MS4A3: variants seen among roughly 807,000 people sequenced by gnomAD.
MS4A3 encodes the protein membrane-spanning 4-domains subfamily A member 3.
A neutral mutation model predicts 24.7 loss-of-function variants in MS4A3; 18 were observed. That is an observed-to-expected ratio of 0.73 (90% CI 0.50 to 1.08). MS4A3 has a LOEUF of 1.08. Among genes scored for constraint, MS4A3 ranks in the 50% least tolerant of loss-of-function variants. MS4A3 has a pLI of 0.00. For missense variants in MS4A3, 282 were observed against 251.7 expected, an observed-to-expected ratio of 1.12 and a Z score of -0.82; for synonymous variants, 84 against 95.3, an observed-to-expected ratio of 0.88 and a Z score of 0.69.
Position 60,061,270 on chromosome 11 carries a change from T to C in MS4A3, c.110T>C (p.Ile37Thr), listed in dbSNP as rs1382796711. 4 of 1,613,724 alleles carry C rather than the reference T, an allele frequency of 2.5e-6. No homozygotes were observed. Among genetic ancestry groups the C allele is most frequent in the Non-Finnish European group, 3.4e-6 (4 of 1,179,884 alleles). ...EELNTSVYQP[I>T]DGSPDYQKAK... Reference sequence around the variant, plus strand: ...CTGAATACTTCTGTCTACCAGCCCATAGATGGATCACCAGATTATCAGAAA... The same window carrying C: ...CTGAATACTTCTGTCTACCAGCCCACAGATGGATCACCAGATTATCAGAAA... Residue 37 changes from isoleucine to threonine, a missense_variant, in exon 2 of 7, where the codon ATA (isoleucine) becomes ACA (threonine). Transcript: ENST00000278865.
intron 1 of MS4A3, among the ~76,000 whole-genome samples, chr11:60,057,645 C>A (rs1855193730): frequency 6.6e-6 from 1 of 152,144 alleles, no homozygotes; most frequent in Non-Finnish European, 1.5e-5. Flanking sequence ...ACCTTGAGAT[C>A]CTCCCGCCTC....
intron 1 of MS4A3, 126 bp from the exon 2 acceptor site, chr11:60,061,020 G>C: frequency 1.4e-6 from 1 of 732,656 alleles, no homozygotes; most frequent in Non-Finnish European, 2.1e-6. Context: ...CTCTGCCCTG[G>C]TGTCCCATTT....
chr11:60,058,103 G>C (rs900165363), intron 1 of MS4A3, among the ~76,000 whole-genome samples: 9 of 152,154 alleles, frequency 5.9e-5, no homozygotes, highest in Admixed American at 2.0e-4. Context: ...TAAGTGGTAT[G>C]AGAAGGAAAG....
In MS4A3 at chr11:60,061,208, C is replaced by T. The variant is rs1269467423; in HGVS notation, c.48C>T (p.Ala16=). The T allele has an allele frequency of 6.2e-7, 1 of 1,613,130 alleles. No individual in the cohort carries two copies. Among genetic ancestry groups the T allele is most frequent in the Non-Finnish European group, 8.5e-7 (1 of 1,179,648 alleles). ...VDNAELGSAS[A]HGTPGSEAGP... is the part of the protein sequence containing the mutation. The stretch of plus-strand genomic sequence containing the variant: ...ATGCAGAGCTGGGGTCAGCCTCTGC[C>T]CATGGTACCCCAGGCAGTGAGGCGG... The change falls in exon 2 of 7, where the codon GCC becomes GCT. Residue 16 remains alanine, a synonymous_variant. Transcript: ENST00000278865.
rs1258154231 is a variant in MS4A3 at position 60,061,218 on chromosome 11, C to T, written c.58C>T (p.Pro20Ser). ...GGGGTCAGCCTCTGCCCATGGTACC[C>T]CAGGCAGTGAGGCGGGACCAGAAGA... Reference protein sequence around the residue: ...ELGSASAHGTPGSEAGPEELN... With the variant: ...ELGSASAHGTSGSEAGPEELN... The change falls in exon 2 of 7, where the codon CCA becomes TCA. Residue 20 changes from proline to serine, a missense_variant. By Grantham distance (74) the Pro-to-Ser change is moderately conservative. Coordinates refer to ENST00000278865, the MANE Select transcript of MS4A3 (RefSeq NM_006138.5). The T allele has an allele frequency of 1.2e-6, 2 of 1,613,464 alleles. No individual in the cohort carries two copies.
intron 4 of MS4A3, among the ~76,000 whole-genome samples, chr11:60,064,571 TG>T (rs1855329789): frequency 6.6e-6 from 1 of 152,210 alleles, no homozygotes. Context: ...TTTTATGTGT[TG>T]TCAAGTTTGA....
chr11:60,068,852 C>T (rs1855422915), intron 5 of MS4A3, among the ~76,000 whole-genome samples: 1 of 152,058 alleles, frequency 6.6e-6, no homozygotes, highest in Admixed American at 6.5e-5. Flanking sequence ...ATCCCTCCCC[C>T]AGCCCCCCAC....
intron 4 of MS4A3, 93 bp from the exon 5 acceptor site, chr11:60,066,858 C>T: frequency 1.9e-6 from 2 of 1,048,354 alleles, no homozygotes. Flanking sequence ...GGTGTGTAAA[C>T]AATATTCAAT....
chr11:60,066,529 T>A (rs1481229318), intron 4 of MS4A3, among the ~76,000 whole-genome samples: 1 of 152,096 alleles, frequency 6.6e-6, no homozygotes, highest in Admixed American at 6.5e-5. Flanking sequence ...GCCTCAGGAT[T>A]TTGAGTGTTT....
intron 1 of MS4A3, among the ~76,000 whole-genome samples, chr11:60,058,934 A>C (rs1460990733): frequency 6.6e-6 from 1 of 152,098 alleles, no homozygotes; most frequent in Non-Finnish European, 1.5e-5. Flanking sequence ...AGCTTTATTG[A>C]TCTTCCCTCG....
chr11:60,066,967 G>T lies in MS4A3; in HGVS notation c.368G>T (p.Gly123Val). The T allele has an allele frequency of 6.2e-7, 1 of 1,603,806 alleles. No individual in the cohort carries two copies. Among genetic ancestry groups the T allele is most frequent in the African/African-American group, 1.3e-5 (1 of 74,382 alleles). ...PTRTWIQNSF[G>V]MNIASATIAL... ...CTTTTTTAGATACAGAACAGTTTTGGAATGAACATTGCCAGTGCTACAATT... is the reference window on the plus strand; with the variant it reads ...CTTTTTTAGATACAGAACAGTTTTGTAATGAACATTGCCAGTGCTACAATT... Residue 123 changes from glycine to valine, a missense_variant, in exon 5 of 7, where the codon GGA becomes GTA. By Grantham distance (109) the Gly-to-Val change is moderately radical. Transcript: ENST00000278865.
At chr11:60,057,069 G>A (rs545526581) in intron 1 of MS4A3, among the ~76,000 whole-genome samples, 1 of 152,268 alleles carries the variant, frequency 6.6e-6, no homozygotes, top group East Asian at 1.9e-4. Flanking sequence ...GGGTGGTCTC[G>A]ATATGCCTGA....
intron 4 of MS4A3, among the ~76,000 whole-genome samples, chr11:60,065,126 C>T (rs1855338659): frequency 6.6e-6 from 1 of 152,060 alleles, no homozygotes; most frequent in South Asian, 2.1e-4. Flanking sequence ...ACAGCCTCCA[C>T]CTTCCAGGGC....
intron 5 of MS4A3, 100 bp downstream of exon 5, chr11:60,067,212 C>CATT: frequency 1.8e-6 from 1 of 548,100 alleles, no homozygotes; most frequent in Non-Finnish European, 2.8e-6. Flanking sequence ...TAATTTGAAT[C>CATT]TTTTTTTTTT....
At chr11:60,064,177 A>T in intron 3 of MS4A3, 85 bp from the exon 4 acceptor site, 2 of 937,254 alleles carry the variant, frequency 2.1e-6, no homozygotes, top group Non-Finnish European at 3.2e-6. Context: ...CTATTGCTGG[A>T]TATCTGCTAA....
At chr11:60,064,058 A>C (rs142961759) in intron 3 of MS4A3, among the ~76,000 whole-genome samples, 9 of 132,780 alleles carry the variant, frequency 6.8e-5, no homozygotes, top group South Asian at 2.6e-4. Flanking sequence ...AACTAATTGC[A>C]TGGAAAGACT....
chr11:60,063,234 C>T (rs1855306156), intron 3 of MS4A3, among the ~76,000 whole-genome samples: 2 of 151,988 alleles, frequency 1.3e-5, no homozygotes, highest in Non-Finnish European at 2.9e-5. Flanking sequence ...TGATGAATTG[C>T]CTTGTGGTAC....
chr11:60,058,904 T>A (rs1394718734), intron 1 of MS4A3, among the ~76,000 whole-genome samples: 1 of 152,188 alleles, frequency 6.6e-6, no homozygotes, highest in African/African-American at 2.4e-5. Flanking sequence ...TAGGAACTTA[T>A]TCACATAGAG....
Position 60,069,808 on chromosome 11 carries a change from A to G in MS4A3, c.615+133A>G, listed in dbSNP as rs111442627. The G allele has an allele frequency of 6.6e-4, 498 of 752,620 alleles. 3 individuals are homozygous for G. In the African/African-American group the frequency reaches 7.1e-3, roughly 11 times the overall value. 46.6% of individuals were successfully genotyped at this position (752,620 alleles called of 1,614,324 possible). A position where few individuals can be genotyped will look rare whatever the true frequency, so the allele number is the denominator to read the frequency against. On this transcript the variant is annotated intron_variant, in intron 6 of 6. Transcript: ENST00000278865. Reference sequence around the variant, plus strand: ...TGGAGTTCCTGGAATTAGAGATTGTATGAATGTTAGAGATGGAATGAAGGG... The same window carrying G: ...TGGAGTTCCTGGAATTAGAGATTGTGTGAATGTTAGAGATGGAATGAAGGG...
Sources: allele counts gnomAD v4.1 joint callset (sites outside exome capture counted in the v4.1 genomes callset), GRCh38; gene constraint gnomAD v4.1.1; transcripts MANE v1.5; gene names NCBI Gene and HGNC (gene_info 2026-07-23, HGNC 2026-07-21).